KCNK10: variants seen among roughly 807,000 people sequenced by gnomAD.
KCNK10 encodes potassium two pore domain channel subfamily K member 10.
A neutral mutation model predicts 47.7 loss-of-function variants in KCNK10; 25 were observed. The ratio of observed to expected loss-of-function variants is 0.52; its 90% CI spans 0.38 to 0.73. KCNK10 has a LOEUF of 0.73. Ranked by LOEUF, KCNK10 falls within the 30% of genes least tolerant of loss-of-function variation. The probability of loss-of-function intolerance (pLI) is 0.00; values close to 1 mark genes in which losing one functional copy is unlikely to be tolerated. For missense variants in KCNK10, 563 were observed against 714.5 expected (o/e 0.79, Z 2.42); for synonymous variants, 303 against 285.6 (o/e 1.06, Z -0.61).
At chr14:88,199,453 C>A (rs1397019733) in intron 4 of KCNK10, among the ~76,000 whole-genome samples, 1 of 152,128 alleles carries the variant, frequency 6.6e-6, no homozygotes, top group Non-Finnish European at 1.5e-5. Flanking sequence ...ATTGGGACAG[C>A]CATTAAGGAA....
chr14:88,314,467 C>A (rs770931401), intron 1 of KCNK10, among the ~76,000 whole-genome samples: 6 of 152,092 alleles, frequency 3.9e-5, no homozygotes, highest in Non-Finnish European at 7.4e-5. Flanking sequence ...ATTAAAGCAG[C>A]CGAAATCAAC....
At chr14:88,272,870 T>C (rs554393087) in intron 1 of KCNK10, among the ~76,000 whole-genome samples, 6 of 152,210 alleles carry the variant, frequency 3.9e-5, no homozygotes, top group Middle Eastern at 3.4e-3. Flanking sequence ...AAGTAAAATG[T>C]GCGGGTCCTA....
chr14:88,284,695 G>A (rs1395418257), intron 1 of KCNK10, among the ~76,000 whole-genome samples: 2 of 152,072 alleles, frequency 1.3e-5, no homozygotes, highest in African/African-American at 4.8e-5. Flanking sequence ...AGCCGTGCTG[G>A]CAGCCAAGGG....
At chr14:88,237,406 C>T (rs984687834) in intron 3 of KCNK10, among the ~76,000 whole-genome samples, 1 of 152,182 alleles carries the variant, frequency 6.6e-6, no homozygotes, top group African/African-American at 2.4e-5. Flanking sequence ...TTGACCTCTT[C>T]CAATTCATCA....
At chr14:88,243,939 C>T (rs371779600) in intron 2 of KCNK10, among the ~76,000 whole-genome samples, 1 of 151,686 alleles carries the variant, frequency 6.6e-6, no homozygotes, top group African/African-American at 2.4e-5. Flanking sequence ...ATGGCCAATG[C>T]ACCCAAATGC....
intron 4 of KCNK10, among the ~76,000 whole-genome samples, chr14:88,205,383 C>T (rs1421182047): frequency 6.6e-6 from 1 of 152,132 alleles, no homozygotes; most frequent in Non-Finnish European, 1.5e-5. Flanking sequence ...TCTCTGCTGT[C>T]CATGTTCCTT....
intron 1 of KCNK10, among the ~76,000 whole-genome samples, chr14:88,302,682 C>G (rs1888127812): frequency 6.6e-6 from 1 of 152,084 alleles, no homozygotes; most frequent in Non-Finnish European, 1.5e-5. Flanking sequence ...TGCACTCCAG[C>G]CTGGGCAACA....
chr14:88,326,503 G>T (rs778862272), upstream of KCNK10: 3 of 1,474,404 alleles, frequency 2.0e-6, no homozygotes, highest in South Asian at 3.4e-5. Flanking sequence ...CTGTGCCGCC[G>T]CAACTTCCAT....
chr14:88,306,149 T>C (rs1192222615), intron 1 of KCNK10, among the ~76,000 whole-genome samples: 1 of 152,214 alleles, frequency 6.6e-6, no homozygotes, highest in African/African-American at 2.4e-5. Context: ...GGGCTGCTGC[T>C]GAAAGTCTTA....
chr14:88,270,844 G>A (rs1887390259), intron 1 of KCNK10: 1 of 780,752 alleles, frequency 1.3e-6, no homozygotes, highest in Non-Finnish European at 2.4e-6. Flanking sequence ...TGATCACATG[G>A]ACCCTTGCTA....
chr14:88,236,645 A>C (rs1213164125), intron 3 of KCNK10, among the ~76,000 whole-genome samples: 1 of 152,352 alleles, frequency 6.6e-6, no homozygotes, highest in East Asian at 1.9e-4. Context: ...AGACATTGTG[A>C]GTTAGACTTC....
At position 88,314,180 on chromosome 14, in the gene KCNK10, G is replaced by A. The variant is rs80141977; in HGVS notation, c.52+8567C>T. The stretch of plus-strand genomic sequence containing the variant: ...ATATGTTGAAATCCTAACCCCAAAG[G>A]TAATGTTATTAGGAGATGGGGCCTT... On this transcript the variant is annotated intron_variant, in intron 1 of 6. Transcript: ENST00000319231. Among the ~76,000 whole-genome samples, 249 of 152,256 alleles carry A rather than the reference G, an allele frequency of 1.6e-3. 3 individuals carry two copies. The East Asian group carries it at 0.041, about 25-fold the overall frequency.
At chr14:88,231,341 G>A (rs943020294) in intron 3 of KCNK10, among the ~76,000 whole-genome samples, 2 of 151,838 alleles carry the variant, frequency 1.3e-5, no homozygotes, top group Admixed American at 6.6e-5. Flanking sequence ...GTACCAACAG[G>A]TGCCTCGATA....
chr14:88,187,130 T>C (rs529475099), intron 6 of KCNK10, among the ~76,000 whole-genome samples: 33 of 152,288 alleles, frequency 2.2e-4, no homozygotes, highest in African/African-American at 7.7e-4. Context: ...GGCTTACTTA[T>C]ATAAACCAGG....
At chr14:88,206,042 T>C (rs1885264252) in intron 4 of KCNK10, among the ~76,000 whole-genome samples, 1 of 152,200 alleles carries the variant, frequency 6.6e-6, no homozygotes, top group Non-Finnish European at 1.5e-5. Flanking sequence ...CACACACATA[T>C]GCATATAATA....
chr14:88,319,968 C>T (rs1461825079), intron 1 of KCNK10, among the ~76,000 whole-genome samples: 1 of 152,170 alleles, frequency 6.6e-6, no homozygotes, highest in Admixed American at 6.5e-5. Context: ...AGAAGAGCAC[C>T]TAGCACATAA....
intron 1 of KCNK10, among the ~76,000 whole-genome samples, chr14:88,278,212 T>A (rs1245603784): frequency 6.6e-6 from 1 of 152,110 alleles, no homozygotes; most frequent in Non-Finnish European, 1.5e-5. Flanking sequence ...GACCCTTACA[T>A]GGATCATATA....
At position 88,185,281 on chromosome 14, in the gene KCNK10, G is replaced by T; in HGVS notation, c.*254C>A. 1 of 479,046 alleles carries T rather than the reference G, an allele frequency of 2.1e-6. No homozygotes were observed. Among genetic ancestry groups the T allele is most frequent in the Non-Finnish European group, 3.7e-6 (1 of 271,670 alleles). 29.7% of individuals were successfully genotyped at this position (479,046 alleles called of 1,614,324 possible). On this transcript the variant is annotated 3_prime_UTR_variant, in exon 7 of 7. Coordinates refer to ENST00000319231, the MANE Select transcript of KCNK10 (RefSeq NM_138317.3). This position sits in a 1 kb window ranked among gnomAD's most constrained non-coding sequence, Gnocchi z 4.3. Reference sequence around the variant, plus strand: ...ACTGCCACTGAAATGCCCTTAACATGTACGGCCAGAACCGGCTACGTGCAC... The same window carrying T: ...ACTGCCACTGAAATGCCCTTAACATTTACGGCCAGAACCGGCTACGTGCAC...
Position 88,183,779 on chromosome 14 carries a change from G to C in KCNK10, c.*1756C>G, listed in dbSNP as rs1884447000. ...AGAGCTGTGCATTTTTGAGAAATGG[G>C]CAGGGACAGGTCTTCCATGGTACCA... On this transcript the variant is annotated 3_prime_UTR_variant, in exon 7 of 7. Transcript: ENST00000319231. 1 of 152,390 alleles carries C rather than the reference G, an allele frequency of 6.6e-6. No homozygotes were observed. Among genetic ancestry groups the C allele is most frequent in the Non-Finnish European group, 1.5e-5 (1 of 68,074 alleles). 9.4% of individuals were successfully genotyped at this position (152,390 alleles called of 1,614,324 possible).
Sources: gnomAD v4.1 joint callset for allele counts (sites outside exome capture counted in the v4.1 genomes callset) on GRCh38, gnomAD v4.1.1 for gene constraint, Gnocchi (gnomAD v3.1) non-coding constraint, MANE v1.5 for transcripts, NCBI Gene and HGNC (gene_info 2026-07-23, HGNC 2026-07-21) for gene names.